The following HOTAIR variants were observed in gnomAD, a reference collection of about 807,000 sequenced individuals.
HOTAIR encodes the protein HOX transcript antisense RNA (non-protein coding).
intron 1 of HOTAIR, among the ~76,000 whole-genome samples, chr12:53,971,795 A>G (rs947829861): frequency 6.6e-6 from 1 of 152,230 alleles, no homozygotes; most frequent in African/African-American, 2.4e-5. Context: ...AGATGCCCAC[A>G]TGTGTCCTGT....
chr12:53,971,973 G>A (rs966079884), intron 1 of HOTAIR, among the ~76,000 whole-genome samples: 1 of 152,204 alleles, frequency 6.6e-6, no homozygotes, highest in African/African-American at 2.4e-5. Context: ...ACAGAGGCTG[G>A]GGGCTTTGAC....
intron 1 of HOTAIR, among the ~76,000 whole-genome samples, chr12:53,974,282 A>T (rs1481116818): frequency 7.3e-6 from 1 of 136,758 alleles, no homozygotes; most frequent in Admixed American, 7.2e-5. Context: ...TTAAGGAAGT[A>T]TGGGGAGCCG....
chr12:53,962,621 G>C (rs1938972237), exon 7 of HOTAIR: 2 of 152,098 alleles, frequency 1.3e-5, no homozygotes, highest in Non-Finnish European at 2.9e-5. Flanking sequence ...CTGGGTTCAT[G>C]AACTGTTTAA....
At chr12:53,965,682 C>T (rs192528652) in intron 5 of HOTAIR, among the ~76,000 whole-genome samples, 1 of 151,042 alleles carries the variant, frequency 6.6e-6, no homozygotes, top group Admixed American at 6.6e-5. Context: ...TGAAACCAGC[C>T]GGCAAGGGTA....
intron 1 of HOTAIR, among the ~76,000 whole-genome samples, chr12:53,974,410 A>G (rs1014030970): frequency 1.3e-5 from 2 of 151,980 alleles, no homozygotes; most frequent in African/African-American, 4.8e-5. Flanking sequence ...ATGGAGCAGA[A>G]CCTGAGACCG....
At chr12:53,963,151 G>T (rs1938983565) in exon 7 of HOTAIR, 1 of 152,216 alleles carries the variant, frequency 6.6e-6, no homozygotes, top group Admixed American at 6.5e-5. Context: ...CGAAGCAAAG[G>T]CTGGACCTTT....
In HOTAIR at chr12:53,973,644, G is replaced by T. The variant is rs1026753739; in HGVS notation, n.59+1254C>A. ...CCCCAGCGCCCCGCACGCAACCCCC[G>T]CCGGCTTCTACTCCTCAGTCAACAA... On this transcript the variant is annotated intron_variant and non_coding_transcript_variant, in intron 1 of 6. Coordinates refer to ENST00000424518, the Ensembl canonical transcript of HOTAIR. This position sits in a 1 kb window ranked among gnomAD's most constrained non-coding sequence, Gnocchi z 4.3. 1 of 1,613,428 alleles carries T rather than the reference G, an allele frequency of 6.2e-7. No homozygotes were observed. The highest frequency in any genetic ancestry group is 1.7e-4 in the Middle Eastern group (1 of 6,060).
At chr12:53,967,002 G>T (rs1257750164) in intron 3 of HOTAIR, among the ~76,000 whole-genome samples, 1 of 152,194 alleles carries the variant, frequency 6.6e-6, no homozygotes, top group Admixed American at 6.5e-5. Context: ...GAAAATAATT[G>T]GTGTGGGGAT....
chr12:53,971,995 C>T (rs535485389), intron 1 of HOTAIR, among the ~76,000 whole-genome samples: 6 of 152,308 alleles, frequency 3.9e-5, no homozygotes, highest in Admixed American at 1.3e-4. Flanking sequence ...AGGGAGTGGC[C>T]GCTGGGCCTC....
chr12:53,967,151 A>T (rs1339629286), intron 3 of HOTAIR: 2 of 152,256 alleles, frequency 1.3e-5, no homozygotes, highest in Non-Finnish European at 2.9e-5. Context: ...ATGCACAGAA[A>T]ACAATGATGG....
intron 1 of HOTAIR, chr12:53,974,055 T>G (rs1447120955): frequency 1.5e-6 from 1 of 682,282 alleles, no homozygotes; most frequent in Non-Finnish European, 2.3e-6. Flanking sequence ...ATGTGGAGTT[T>G]TATAAGCATT....
At chr12:53,967,970 TGA>T (rs992170510) in intron 2 of HOTAIR, 1 of 152,146 alleles carries the variant, frequency 6.6e-6, no homozygotes, top group Non-Finnish European at 1.5e-5. Flanking sequence ...AACCATTTCC[TGA>T]GAGAAGCCAA....
intron 1 of HOTAIR, among the ~76,000 whole-genome samples, chr12:53,971,805 T>C (rs1011072931): frequency 1.3e-5 from 2 of 152,238 alleles, no homozygotes; most frequent in Non-Finnish European, 2.9e-5. Flanking sequence ...ATGTGTCCTG[T>C]GGTGCTCAGA....
intron 5 of HOTAIR, among the ~76,000 whole-genome samples, chr12:53,964,703 A>C (rs1481880254): frequency 6.6e-6 from 1 of 152,166 alleles, no homozygotes; most frequent in Admixed American, 6.5e-5. Flanking sequence ...TGTGCAGAGG[A>C]GGAGGGGCCA....
At chr12:53,974,231 T>C (rs1939206982) in intron 1 of HOTAIR, among the ~76,000 whole-genome samples, 1 of 150,620 alleles carries the variant, frequency 6.6e-6, no homozygotes, top group Non-Finnish European at 1.5e-5. Flanking sequence ...GCGCAACCAT[T>C]GCGGGCGATA....
intron 1 of HOTAIR, among the ~76,000 whole-genome samples, chr12:53,969,735 C>G (rs114196481): frequency 6.6e-6 from 1 of 152,240 alleles, no homozygotes; most frequent in African/African-American, 2.4e-5. Flanking sequence ...GTGGGACTCT[C>G]TCCGCTTATC....
At chr12:53,968,505 G>A (rs1233211210) in intron 2 of HOTAIR, 1 of 152,234 alleles carries the variant, frequency 6.6e-6, no homozygotes, top group Admixed American at 6.5e-5. Context: ...GTAGTGAGGA[G>A]AAAACCACTG....
At chr12:53,971,015 CTGTT>C (rs1939138548) in intron 1 of HOTAIR, among the ~76,000 whole-genome samples, 1 of 152,152 alleles carries the variant, frequency 6.6e-6, no homozygotes. Flanking sequence ...GTTCCTATCA[CTGTT>C]TGGGCAGCAT....
At position 53,973,258 on chromosome 12, in the gene HOTAIR, A is replaced by G. The variant is rs1266429383; in HGVS notation, n.59+1640T>C. The G allele has an allele frequency of 8.7e-6, 14 of 1,607,332 alleles. No homozygotes were observed. Among genetic ancestry groups the G allele is most frequent in the African/African-American group, 2.7e-5 (2 of 75,034 alleles). ...AGGAGAACGATGTTTAACTCGGTCA[A>G]CCTGGGCAACTTCTGCTCTCCGTCG... On this transcript the variant is annotated intron_variant and non_coding_transcript_variant, in intron 1 of 6. Coordinates refer to ENST00000424518, the Ensembl canonical transcript of HOTAIR. The surrounding 1 kb of genome is among the most constrained non-coding windows in gnomAD (Gnocchi z 4.3).
Sources: gnomAD v4.1 joint callset for allele counts (sites outside exome capture counted in the v4.1 genomes callset) on GRCh38, gnomAD v4.1.1 for gene constraint, Gnocchi (gnomAD v3.1) non-coding constraint, MANE v1.5 for transcripts, NCBI Gene and HGNC (gene_info 2026-07-23, HGNC 2026-07-21) for gene names.